The following TXNRD1 variants were observed in gnomAD, a reference collection of about 807,000 sequenced individuals.
TXNRD1 encodes thioredoxin reductase 1, also known as thioredoxin reductase 1, cytoplasmic.
A neutral mutation model predicts 80.3 loss-of-function variants in TXNRD1; 57 were observed. That is an observed-to-expected ratio of 0.71 (90% CI 0.57 to 0.89). TXNRD1 has a LOEUF of 0.89. Among genes scored for constraint, TXNRD1 ranks in the 40% least tolerant of loss-of-function variants. The probability of loss-of-function intolerance (pLI) is 0.00; values close to 1 mark genes in which losing one functional copy is unlikely to be tolerated. For synonymous variants in TXNRD1, 291 were observed against 285.2 expected, an observed-to-expected ratio of 1.02 and a Z score of -0.20; for missense variants, 730 against 803.0, an observed-to-expected ratio of 0.91 and a Z score of 1.10.
At chr12:104,335,262 C>CA in intron 15 of TXNRD1, among the ~76,000 whole-genome samples, 1 of 142,932 alleles carries the variant, frequency 7.0e-6, no homozygotes, top group African/African-American at 2.6e-5. Flanking sequence ...AGTGCAGTGG[C>CA]GTGATCTTGG....
rs1015261020 is a variant in TXNRD1 at position 104,348,612 on chromosome 12, G to C, written c.*191G>C. ...TAGAAGGCAGGCAGCATCACACTGG[G>C]GTCACTGACAGACTTGAAGCTGACA... On this transcript the variant is annotated 3_prime_UTR_variant, in exon 17 of 17. Transcript: ENST00000525566. The C allele has an allele frequency of 5.2e-6, 3 of 572,112 alleles. No homozygotes were observed. The African/African-American group carries it at 5.6e-5, about 11-fold the overall frequency. 35.4% of individuals were successfully genotyped at this position (572,112 alleles called of 1,614,324 possible).
intron 3 of TXNRD1, among the ~76,000 whole-genome samples, chr12:104,259,561 A>G (rs1023098510): frequency 1.9e-4 from 27 of 142,448 alleles, no homozygotes; most frequent in African/African-American, 6.8e-4. Context: ...GTGCGATCTC[A>G]GCTCACCGCA....
chr12:104,341,345 C>T lies in TXNRD1; in HGVS notation c.1881+2072C>T, dbSNP rs566815545. Among the ~76,000 whole-genome samples, 19 of 152,298 alleles carry T rather than the reference C, an allele frequency of 1.2e-4. No homozygotes were observed. In the South Asian group the frequency reaches 3.7e-3, roughly 30 times the overall value. ...ATAAAAAAAATTGGGTGAAATCGCA[C>T]TCTGTGAACACACTTCTCAAGCTGT... On this transcript the variant is annotated intron_variant, in intron 16 of 16. Transcript: ENST00000525566.
Position 104,327,595 on chromosome 12 carries a change from A to T in TXNRD1, c.1466A>T (p.Lys489Met). The T allele has an allele frequency of 6.2e-7, 1 of 1,613,666 alleles. No homozygotes were observed. Reference protein sequence around the residue: ...IYAIGDILEDKVELTPVAIQA... With the variant: ...IYAIGDILEDMVELTPVAIQA... ...GCCATTGGCGATATATTGGAGGATA[A>T]GGTGGAGCTCACCCCAGTTGCAATC... Residue 489 changes from lysine (K) to methionine (M), a missense_variant, in exon 13 of 17, where the codon AAG becomes ATG. Transcript: ENST00000525566.
intron 5 of TXNRD1, among the ~76,000 whole-genome samples, 187 bp from the exon 6 acceptor site, chr12:104,313,058 A>G (rs1443848289): frequency 6.6e-6 from 1 of 152,170 alleles, no homozygotes; most frequent in Non-Finnish European, 1.5e-5. Context: ...TCTCAGAACT[A>G]TCTGAATATC....
At chr12:104,246,737 G>A (rs1297865876) in intron 1 of TXNRD1, among the ~76,000 whole-genome samples, 1 of 151,650 alleles carries the variant, frequency 6.6e-6, no homozygotes, top group Non-Finnish European at 1.5e-5. Flanking sequence ...TGACCAGGAT[G>A]GTCTCGATCT....
chr12:104,273,882 T>C (rs543608596), intron 3 of TXNRD1, among the ~76,000 whole-genome samples: 1 of 151,994 alleles, frequency 6.6e-6, no homozygotes, highest in African/African-American at 2.4e-5. Context: ...CAACCCTGTC[T>C]CTACTAAAAA....
chr12:104,309,722 G>A (rs528341037), intron 4 of TXNRD1: 8 of 1,441,752 alleles, frequency 5.5e-6, no homozygotes, highest in South Asian at 2.6e-5. Context: ...TCCTTTGATC[G>A]AATGGCTATT....
chr12:104,253,228 G>A (rs1311091210), intron 2 of TXNRD1, among the ~76,000 whole-genome samples: 1 of 152,098 alleles, frequency 6.6e-6, no homozygotes, highest in Non-Finnish European at 1.5e-5. Context: ...AAAAAGGAAG[G>A]TGGGCGGCAA....
intron 10 of TXNRD1, among the ~76,000 whole-genome samples, chr12:104,323,839 A>C (rs2035655791): frequency 1.4e-5 from 2 of 144,810 alleles, no homozygotes; most frequent in Non-Finnish European, 1.5e-5. Context: ...CCGGACGGGG[A>C]CCTATATACA....
chr12:104,237,937 C>T (rs1402474890), intron 1 of TXNRD1, among the ~76,000 whole-genome samples: 5 of 151,810 alleles, frequency 3.3e-5, no homozygotes, highest in Admixed American at 2.6e-4. Flanking sequence ...CTTGAACCCA[C>T]GAGGCTGAGG....
intron 12 of TXNRD1, 35 bp downstream of exon 12, chr12:104,326,458 G>T: frequency 9.5e-7 from 1 of 1,047,446 alleles, no homozygotes. Flanking sequence ...CATATTTGTG[G>T]GATTTTTTTT....
At chr12:104,348,157 A>C (rs1284587119) in intron 16 of TXNRD1, among the ~76,000 whole-genome samples, 196 bp from the exon 17 acceptor site, 1 of 152,090 alleles carries the variant, frequency 6.6e-6, no homozygotes, top group African/African-American at 2.4e-5. Flanking sequence ...TTTCTCTTTC[A>C]TCTTGGTTTT....
At chr12:104,241,894 A>G (rs917442465) in intron 1 of TXNRD1, among the ~76,000 whole-genome samples, 4 of 137,548 alleles carry the variant, frequency 2.9e-5, no homozygotes, top group Non-Finnish European at 4.8e-5. Context: ...AAACTTTAAC[A>G]TTTTATTTTT....
intron 14 of TXNRD1, 49 bp from the exon 15 acceptor site, chr12:104,334,188 C>G: frequency 1.1e-6 from 1 of 944,914 alleles, no homozygotes; most frequent in Non-Finnish European, 1.6e-6. Flanking sequence ...GTTTGACAGA[C>G]TTAATGTTTA....
chr12:104,294,324 G>C (rs2034360721), intron 4 of TXNRD1, among the ~76,000 whole-genome samples: 1 of 150,068 alleles, frequency 6.7e-6, no homozygotes, highest in South Asian at 2.1e-4. Context: ...CGATCCTCTT[G>C]GTGACGGGCG....
intron 1 of TXNRD1, among the ~76,000 whole-genome samples, chr12:104,228,301 CAAAA>C (rs11349965): frequency 0.016 from 1,826 of 116,326 alleles, 34 homozygotes; most frequent in South Asian, 0.091. Flanking sequence ...AACTCCATCT[CAAAA>C]AAAAAAAAAA....
chr12:104,265,770 G>T, intron 3 of TXNRD1: 2 of 1,583,852 alleles, frequency 1.3e-6, no homozygotes, highest in South Asian at 2.2e-5. Context: ...AGTTCCCGCT[G>T]CCCCACCGGG....
intron 4 of TXNRD1, among the ~76,000 whole-genome samples, chr12:104,301,484 C>G (rs2034624121): frequency 6.6e-6 from 1 of 152,038 alleles, no homozygotes; most frequent in South Asian, 2.1e-4. Context: ...ACTACAGGCG[C>G]CTGCAACCAC....
Sources: gnomAD v4.1 joint callset for allele counts (sites outside exome capture counted in the v4.1 genomes callset) on GRCh38, gnomAD v4.1.1 for gene constraint, MANE v1.5 for transcripts, NCBI Gene and HGNC (gene_info 2026-07-23, HGNC 2026-07-21) for gene names.